Variants in F13A1 observed in about 807,000 individuals in gnomAD.
The protein encoded by F13A1 is coagulation factor XIII A chain, also known as FSF, A subunit.
Under a neutral mutation model 80.1 loss-of-function variants are expected in F13A1, and 47 were observed. The observed-to-expected ratio is 0.59, with a 90% confidence interval of 0.46 to 0.75. The LOEUF (loss-of-function observed/expected upper bound fraction) is 0.75. Ranked by LOEUF, F13A1 falls within the 30% of genes least tolerant of loss-of-function variation. F13A1 has a pLI of 0.00. For missense variants in F13A1, 817 were observed against 930.4 expected (o/e 0.88, Z 1.59); for synonymous variants, 349 against 344.9 (o/e 1.01, Z -0.13).
rs141145128 is a variant in F13A1, at chr6:6,243,288, C to T, written c.798+5024G>A. 7.8e-3 allele frequency among the ~76,000 whole-genome samples: 1,166 copies of T among 149,948 alleles called. 8 individuals carry two copies. The highest frequency in any genetic ancestry group is 0.027 in the African/African-American group (1,093 of 40,898). On this transcript the variant is annotated intron_variant, in intron 6 of 14. Coordinates refer to ENST00000264870, the MANE Select transcript of F13A1 (RefSeq NM_000129.4). This position sits in a 1 kb window ranked among gnomAD's most constrained non-coding sequence, Gnocchi z 4.2. ...CACTATCACCACCATAATCACCCTA[C>T]CATCACCACCATTATTATCACAATC... is the stretch of plus-strand genomic sequence containing the variant.
In F13A1 at chr6:6,195,838, G is replaced by T; in HGVS notation, c.1264C>A (p.His422Asn). ...PASVQAIKHGHVCFQFDAPFV... is the reference protein window; with the variant it reads ...PASVQAIKHGNVCFQFDAPFV... ...GGTGCATCAAATTGGAAGCAGACAT[G>T]GCCGTGCTTGATGGCTTGAACCGAG... is the stretch of plus-strand genomic sequence containing the variant. The change falls in exon 10 of 15, where the codon CAT becomes AAT. Residue 422 changes from histidine to asparagine, a missense_variant. Physicochemically the swap from His to Asn is moderately conservative, Grantham distance 68 (BLOSUM62 1). Transcript: ENST00000264870. The T allele has an allele frequency of 1.9e-6, 3 of 1,614,180 alleles. No homozygotes were observed. The South Asian group carries it at 3.3e-5, about 18-fold the overall frequency.
chr6:6,191,574 C>G (rs926594394), intron 10 of F13A1, among the ~76,000 whole-genome samples: 3 of 152,192 alleles, frequency 2.0e-5, no homozygotes, highest in African/African-American at 7.2e-5. Flanking sequence ...GGGGGCTGCT[C>G]TCTGCAAATG....
At chr6:6,190,658 A>G (rs1313324331) in intron 10 of F13A1, among the ~76,000 whole-genome samples, 1 of 151,874 alleles carries the variant, frequency 6.6e-6, no homozygotes, top group Non-Finnish European at 1.5e-5. Flanking sequence ...AAGTCTGCAG[A>G]GGTTACTGCT....
chr6:6,172,278 C>T (rs948096389), intron 12 of F13A1, among the ~76,000 whole-genome samples: 12 of 90,652 alleles, frequency 1.3e-4, no homozygotes, highest in Admixed American at 1.1e-3. Context: ...CCAGAATTGT[C>T]TATTTGCAAA....
chr6:6,198,222 G>A (rs2151082920), intron 8 of F13A1, among the ~76,000 whole-genome samples: 1 of 152,198 alleles, frequency 6.6e-6, no homozygotes. Context: ...AGTGCTAAGG[G>A]TCATGGAAAA....
In F13A1 at chr6:6,167,549, T is replaced by C; in HGVS notation, c.1817A>G (p.His606Arg). 6.2e-7 allele frequency: 1 copy of C among 1,614,078 alleles called. No individual in the cohort carries two copies. The highest frequency in any genetic ancestry group is 1.1e-5 in the South Asian group (1 of 91,074). The change falls in exon 13 of 15, where the codon CAC becomes CGC. Residue 606 changes from histidine (H) to arginine (R), a missense_variant. By Grantham distance (29) the His-to-Arg change is conservative. Transcript: ENST00000264870. Reference sequence around the variant, plus strand: ...ATTGATGCGAGCTGTGACAAAGAAGTGCAGGGACGCTTGTTCCAGCAGCTG... The same window carrying C: ...ATTGATGCGAGCTGTGACAAAGAAGCGCAGGGACGCTTGTTCCAGCAGCTG... ...MGQLLEQASL[H>R]FFVTARINET...
chr6:6,153,132 A>C (rs1414763959), intron 13 of F13A1, among the ~76,000 whole-genome samples: 1 of 152,234 alleles, frequency 6.6e-6, no homozygotes. Context: ...TTATTAAATT[A>C]AGTCAATGGC....
intron 13 of F13A1, among the ~76,000 whole-genome samples, chr6:6,153,321 C>T (rs1760412973): frequency 6.6e-6 from 1 of 152,156 alleles, no homozygotes; most frequent in Non-Finnish European, 1.5e-5. Flanking sequence ...CTTACTTATG[C>T]TACAGTCAAG....
intron 3 of F13A1, among the ~76,000 whole-genome samples, chr6:6,298,812 G>T (rs138118287): frequency 0.074 from 10,959 of 148,948 alleles, 1,855 homozygotes; most frequent in African/African-American, 0.23. Context: ...TGGTGATTTT[G>T]CTCATTAGTT....
chr6:6,228,731 CAAAAA>C (rs35068752), intron 6 of F13A1, among the ~76,000 whole-genome samples: 2 of 72,686 alleles, frequency 2.8e-5, no homozygotes, highest in African/African-American at 5.1e-5. Context: ...GATCCTGTCT[CAAAAA>C]AAAAAAAAAA....
At chr6:6,165,882 G>T (rs1288834893) in intron 13 of F13A1, among the ~76,000 whole-genome samples, 2 of 152,256 alleles carry the variant, frequency 1.3e-5, no homozygotes, top group Non-Finnish European at 2.9e-5. Context: ...ACAACGCCAT[G>T]GTGGGCCTGT....
intron 4 of F13A1, among the ~76,000 whole-genome samples, chr6:6,258,692 TC>T (rs1481224526): frequency 6.6e-6 from 1 of 152,164 alleles, no homozygotes; most frequent in African/African-American, 2.4e-5. Context: ...ATAATAAGTC[TC>T]TAATGACTCA....
At position 6,195,875 on chromosome 6, in the gene F13A1, C is replaced by A; in HGVS notation, c.1227G>T (p.Arg409=). The A allele has an allele frequency of 1.9e-6, 3 of 1,614,108 alleles. No individual in the cohort carries two copies. The highest frequency in any genetic ancestry group is 1.3e-5 in the African/African-American group (1 of 75,050). The change falls in exon 10 of 15, where the codon CGG becomes CGT. Residue 409 remains arginine, a synonymous_variant. Coordinates refer to ENST00000264870, the MANE Select transcript of F13A1 (RefSeq NM_000129.4). ...TGGCTTGAACCGAGGCGGGGCCACA[C>A]CGATACATGCCTGCATTGCACAGAG... ...TPQENSDGMY[R]CGPASVQAIK...
intron 1 of F13A1, among the ~76,000 whole-genome samples, chr6:6,319,669 C>T (rs1758742995): frequency 6.6e-6 from 1 of 152,126 alleles, no homozygotes; most frequent in African/African-American, 2.4e-5. Flanking sequence ...ACCAGGCACA[C>T]CCCCAAGAGG....
At chr6:6,222,719 C>T (rs1037905217) in intron 7 of F13A1, among the ~76,000 whole-genome samples, 2 of 152,212 alleles carry the variant, frequency 1.3e-5, no homozygotes, top group Non-Finnish European at 2.9e-5. Flanking sequence ...CAAATGCCCT[C>T]CCTGCCTCCC....
chr6:6,163,059 G>C (rs1408084613), intron 13 of F13A1, among the ~76,000 whole-genome samples: 3 of 152,218 alleles, frequency 2.0e-5, no homozygotes, highest in Non-Finnish European at 4.4e-5. Flanking sequence ...TAATCACCAG[G>C]GGCTGGTCCC....
chr6:6,162,339 C>A lies in F13A1; in HGVS notation c.1908+5119G>T, dbSNP rs1180740498. Among the ~76,000 whole-genome samples the A allele has an allele frequency of 6.6e-6, 1 of 152,230 alleles. No individual in the cohort carries two copies. The highest frequency in any genetic ancestry group is 2.4e-5 in the African/African-American group (1 of 41,452). On this transcript the variant is annotated intron_variant, in intron 13 of 14. Transcript: ENST00000264870. The surrounding 1 kb of genome is among the most constrained non-coding windows in gnomAD (Gnocchi z 4.2). ...CCCCTCTAGCCCTTGCTAACATTTT[C>A]TTCCTAGTATCTGAAGGGGTCTCTC...
At chr6:6,298,576 CT>C (rs983999737) in intron 3 of F13A1, among the ~76,000 whole-genome samples, 23 of 146,556 alleles carry the variant, frequency 1.6e-4, no homozygotes, top group East Asian at 5.8e-4. Context: ...GCAACCCCTG[CT>C]TTTTTTTGTT....
chr6:6,248,457 C>A, intron 5 of F13A1, 38 bp from the exon 6 acceptor site: 3 of 1,525,598 alleles, frequency 2.0e-6, no homozygotes, highest in South Asian at 2.3e-5. Flanking sequence ...AACTAGTGTT[C>A]ACTCTGCAAG....
Sources: gnomAD v4.1 joint callset for allele counts (sites outside exome capture counted in the v4.1 genomes callset) on GRCh38, gnomAD v4.1.1 for gene constraint, Gnocchi (gnomAD v3.1) non-coding constraint, MANE v1.5 for transcripts, NCBI Gene and HGNC (gene_info 2026-07-23, HGNC 2026-07-21) for gene names.